CASK: variants seen among roughly 807,000 people sequenced by gnomAD.
The protein encoded by CASK is calcium/calmodulin dependent serine protein kinase, also known as peripheral plasma membrane protein CASK.
In CASK, 4 loss-of-function variants were observed where a neutral mutation model predicts 82.9. That is an observed-to-expected ratio of 0.05 (90% CI 0.02 to 0.11). The LOEUF (loss-of-function observed/expected upper bound fraction) is 0.11, where lower values mean the gene tolerates loss of function less well. Among genes scored for constraint, CASK ranks in the 10% least tolerant of loss-of-function variants. CASK has a pLI of 1.00. For synonymous variants in CASK, 259 were observed against 253.5 expected (o/e 1.02, Z -0.20); for missense variants, 358 against 720.9 (o/e 0.50, Z 5.76).
intron 5 of CASK, chrX:41,728,375 G>A (rs939460588): frequency 4.8e-5 from 7 of 144,894 alleles, no homozygotes; most frequent in Non-Finnish European, 8.8e-5. Flanking sequence ...AATGGTTTAT[G>A]ACTTGTCTGC....
chrX:41,559,588 A>T (rs2065199511), intron 18 of CASK, 191 bp downstream of exon 18: 1 of 476,933 alleles, frequency 2.1e-6, no homozygotes. Context: ...TGCTGAGGAG[A>T]TCCACATGGA....
At chrX:41,881,102 A>C (rs1160764183) in intron 1 of CASK, among the ~76,000 whole-genome samples, 1 of 111,582 alleles carries the variant, frequency 9.0e-6, no homozygotes, top group Non-Finnish European at 1.9e-5. Flanking sequence ...TCCTCTGCCT[A>C]GAATATACTT....
intron 15 of CASK, among the ~76,000 whole-genome samples, chrX:41,576,620 G>C (rs992741044): frequency 8.9e-6 from 1 of 112,103 alleles, no homozygotes; most frequent in African/African-American, 3.2e-5. Flanking sequence ...TTTGCACTTA[G>C]TAGGGACTTC....
chrX:41,872,853 T>C (rs1203888773), intron 1 of CASK, among the ~76,000 whole-genome samples: 1 of 110,856 alleles, frequency 9.0e-6, no homozygotes, highest in Non-Finnish European at 1.9e-5. Context: ...CTTACCTTGT[T>C]TTTGATGACC....
In CASK at chrX:41,660,466, A is replaced by G. The variant is rs750260148; in HGVS notation, c.804T>C (p.Tyr268=). The change falls in exon 8 of 27, where the codon TAT becomes TAC. Residue 268 remains tyrosine, a synonymous_variant. Transcript: ENST00000378163. ...TAAGCCATGGGTGATTCAGTGCTTC[A>G]TAAACAGTGATCCTTTCAGCTGGAT... The part of the protein sequence containing the change: ...MLDPAERITV[Y]EALNHPWLKE... 3.3e-6 allele frequency: 4 copies of G among 1,211,063 alleles called. No individual in the cohort carries two copies. In the South Asian group the frequency reaches 7.0e-5, roughly 21 times the overall value.
chrX:41,896,327 T>C (rs1038489304), intron 1 of CASK, among the ~76,000 whole-genome samples: 2 of 111,828 alleles, frequency 1.8e-5, no homozygotes, highest in Non-Finnish European at 3.8e-5. Context: ...TTTTCCTTAA[T>C]AGCAACAAAC....
chrX:41,557,734 T>C (rs779065301), intron 18 of CASK, among the ~76,000 whole-genome samples: 1 of 111,491 alleles, frequency 9.0e-6, no homozygotes, highest in Admixed American at 9.6e-5. Flanking sequence ...GCAAAGATCC[T>C]AGGAGCCACA....
intron 3 of CASK, among the ~76,000 whole-genome samples, chrX:41,786,439 T>C (rs1001892797): frequency 1.4e-4 from 15 of 107,341 alleles, no homozygotes; most frequent in Non-Finnish European, 2.9e-4. Context: ...TTGGTATGTT[T>C]CCCAGGCTGG....
At position 41,520,313 on chromosome X, in the gene CASK, A is replaced by G; in HGVS notation, c.*107T>C. The G allele has an allele frequency of 3.7e-6, 2 of 538,305 alleles. No homozygotes were observed. The highest frequency in any genetic ancestry group is 6.1e-6 in the Non-Finnish European group (2 of 325,775). 44.4% of individuals were successfully genotyped at this position (538,305 alleles called of 1,213,427 possible). A position where few individuals can be genotyped will look rare whatever the true frequency, so the allele number is the denominator to read the frequency against. On this transcript the variant is annotated 3_prime_UTR_variant, in exon 27 of 27. Transcript: ENST00000378163. The stretch of plus-strand genomic sequence containing the variant: ...AATTATAAATGTAGGTCACACTACA[A>G]CTAGGTAGTCTCTAGGGACCATGAC...
intron 1 of CASK, among the ~76,000 whole-genome samples, chrX:41,869,153 G>C (rs1318955013): frequency 9.0e-6 from 1 of 111,708 alleles, no homozygotes; most frequent in Non-Finnish European, 1.9e-5. Flanking sequence ...TTTGCCTGGA[G>C]GGTAATTCTC....
intron 21 of CASK, among the ~76,000 whole-genome samples, chrX:41,544,289 A>T (rs1315927062): frequency 8.9e-6 from 1 of 111,933 alleles, no homozygotes; most frequent in Non-Finnish European, 1.9e-5. Flanking sequence ...ATCCTCAGCC[A>T]GGTGCGATGG....
At chrX:41,887,184 G>C in intron 1 of CASK, among the ~76,000 whole-genome samples, 1 of 109,916 alleles carries the variant, frequency 9.1e-6, no homozygotes, top group African/African-American at 3.3e-5. Flanking sequence ...CCACATGGAA[G>C]AGAAATCAGA....
chrX:41,645,908 C>T (rs1460158657), intron 8 of CASK, among the ~76,000 whole-genome samples: 1 of 109,849 alleles, frequency 9.1e-6, no homozygotes, highest in African/African-American at 3.3e-5. Context: ...TTCGACCTCT[C>T]ACCTAGATAG....
intron 2 of CASK, among the ~76,000 whole-genome samples, chrX:41,796,650 G>T (rs2069860734): frequency 8.9e-6 from 1 of 112,111 alleles, no homozygotes; most frequent in African/African-American, 3.2e-5. Context: ...CAGAACCCAT[G>T]TAGCTGTATG....
chrX:41,603,256 A>C (rs181198462), intron 12 of CASK, among the ~76,000 whole-genome samples: 13 of 112,442 alleles, frequency 1.2e-4, no homozygotes, highest in African/African-American at 4.2e-4. Flanking sequence ...CTCAGACCCC[A>C]AATTGCTCAA....
At chrX:41,853,782 C>G (rs760314770) in intron 1 of CASK, among the ~76,000 whole-genome samples, 1 of 111,945 alleles carries the variant, frequency 8.9e-6, no homozygotes, top group South Asian at 3.7e-4. Context: ...TTCTCCCATT[C>G]ATTCTTGTAA....
intron 2 of CASK, among the ~76,000 whole-genome samples, chrX:41,830,699 A>G (rs772431649): frequency 1.9e-5 from 2 of 107,264 alleles, no homozygotes; most frequent in South Asian, 8.8e-4. Flanking sequence ...GGGTGCCTGT[A>G]GTCCCAGCTA....
intron 2 of CASK, among the ~76,000 whole-genome samples, chrX:41,831,214 C>G (rs1359090998): frequency 1.8e-5 from 2 of 111,260 alleles, no homozygotes; most frequent in Non-Finnish European, 3.8e-5. Flanking sequence ...CATAAAGTAG[C>G]TGGGCACTAG....
At chrX:41,823,266 G>A (rs1420157229) in intron 2 of CASK, among the ~76,000 whole-genome samples, 1 of 108,800 alleles carries the variant, frequency 9.2e-6, no homozygotes, top group Non-Finnish European at 1.9e-5. Flanking sequence ...GGTCTTGATG[G>A]AAGAGGGGCC....
Sources: gnomAD v4.1 joint callset for allele counts (sites outside exome capture counted in the v4.1 genomes callset) on GRCh38, gnomAD v4.1.1 for gene constraint, MANE v1.5 for transcripts, NCBI Gene and HGNC (gene_info 2026-07-23, HGNC 2026-07-21) for gene names.